HMCN1: variants seen among roughly 807,000 people sequenced by gnomAD.
The protein encoded by HMCN1 is hemicentin-1.
A neutral mutation model predicts 625.9 loss-of-function variants in HMCN1; 321 were observed. That is an observed-to-expected ratio of 0.51 (90% CI 0.47 to 0.56). The LOEUF (loss-of-function observed/expected upper bound fraction) is 0.56, where lower values mean the gene tolerates loss of function less well. Ranked by LOEUF, HMCN1 falls within the 20% of genes least tolerant of loss-of-function variation. HMCN1 has a pLI of 0.00. For missense variants in HMCN1, 6,588 were observed against 6,887.3 expected, an observed-to-expected ratio of 0.96 and a Z score of 1.54; for synonymous variants, 2,425 against 2,417.6, an observed-to-expected ratio of 1.00 and a Z score of -0.09.
intron 19 of HMCN1, 92 bp downstream of exon 19, chr1:185,984,405 A>T: frequency 8.6e-7 from 1 of 1,162,190 alleles, no homozygotes; most frequent in Non-Finnish European, 1.3e-6. Flanking sequence ...CTCTAATTAC[A>T]ATTAGATATC....
chr1:185,879,893 A>G (rs1664189295), intron 4 of HMCN1, among the ~76,000 whole-genome samples: 1 of 152,168 alleles, frequency 6.6e-6, no homozygotes, highest in Non-Finnish European at 1.5e-5. Context: ...TGACAGTAAG[A>G]CTTGCTATGG....
intron 1 of HMCN1, among the ~76,000 whole-genome samples, chr1:185,797,309 G>C (rs1658454327): frequency 6.6e-6 from 1 of 151,874 alleles, no homozygotes; most frequent in South Asian, 2.1e-4. Context: ...TTGTTTTTTG[G>C]TTGGTTGTTT....
intron 4 of HMCN1, among the ~76,000 whole-genome samples, chr1:185,889,655 G>A (rs1261131068): frequency 7.2e-6 from 1 of 138,204 alleles, no homozygotes. Flanking sequence ...TCCCAGGGAT[G>A]AAGCCCACTT....
At chr1:186,108,207 G>T (rs909281644) in intron 70 of HMCN1, among the ~76,000 whole-genome samples, 2 of 151,814 alleles carry the variant, frequency 1.3e-5, no homozygotes, top group Admixed American at 1.3e-4. Context: ...ACTATCAAAT[G>T]GTGAAAATAA....
chr1:186,000,541 G>A (rs1338515978), intron 26 of HMCN1, among the ~76,000 whole-genome samples: 3 of 138,592 alleles, frequency 2.2e-5, no homozygotes, highest in African/African-American at 8.4e-5. Context: ...TCAGCGTGTA[G>A]GGTGTGTGTG....
intron 93 of HMCN1, among the ~76,000 whole-genome samples, chr1:186,149,141 G>GTC (rs763835692): frequency 2.6e-4 from 39 of 152,232 alleles, no homozygotes; most frequent in South Asian, 1.7e-3. Context: ...CACCAACTGC[G>GTC]TAAGTCCTTA....
chr1:186,173,068 C>T (rs1209823887), intron 102 of HMCN1, among the ~76,000 whole-genome samples: 1 of 152,108 alleles, frequency 6.6e-6, no homozygotes, highest in Non-Finnish European at 1.5e-5. Flanking sequence ...ATTCATTGTT[C>T]CTTCTTGACA....
rs764319560 is a variant in HMCN1, at chr1:185,911,784, C to T, written c.900+4C>T. 1.0e-4 allele frequency: 159 copies of T among 1,594,816 alleles called. No homozygotes were observed. The highest frequency in any genetic ancestry group is 1.7e-4 in the Middle Eastern group (1 of 6,030). On this transcript the variant is annotated splice_donor_region_variant and intron_variant, in intron 6 of 106. Coordinates refer to ENST00000271588, the MANE Select transcript of HMCN1 (RefSeq NM_031935.3). Reference sequence around the variant, plus strand: ...GGCTGGAATGTGGACAGTGAAGGTACGGTTGTTTCACAAAGTTTGTTTATT... The same window carrying T: ...GGCTGGAATGTGGACAGTGAAGGTATGGTTGTTTCACAAAGTTTGTTTATT...
At chr1:185,918,733 C>T (rs539482106) in intron 6 of HMCN1, among the ~76,000 whole-genome samples, 88 of 152,234 alleles carry the variant, frequency 5.8e-4, no homozygotes, top group Admixed American at 2.6e-3. Context: ...AGAGGAGTAA[C>T]GTGGCTCATT....
At chr1:185,898,742 G>A (rs2102428252) in intron 4 of HMCN1, among the ~76,000 whole-genome samples, 1 of 152,232 alleles carries the variant, frequency 6.6e-6, no homozygotes, top group Admixed American at 6.5e-5. Flanking sequence ...TCATTTTAGA[G>A]ATTTTGTAGA....
At chr1:185,759,847 T>C (rs1287731070) in intron 1 of HMCN1, among the ~76,000 whole-genome samples, 1 of 152,096 alleles carries the variant, frequency 6.6e-6, no homozygotes, top group East Asian at 1.9e-4. Flanking sequence ...TGTAATGGGA[T>C]TGTGAATATG....
intron 7 of HMCN1, among the ~76,000 whole-genome samples, chr1:185,922,821 G>A (rs1667067565): frequency 6.6e-6 from 1 of 152,074 alleles, no homozygotes; most frequent in Non-Finnish European, 1.5e-5. Flanking sequence ...ACTAAATTCT[G>A]AGAATTACTA....
intron 1 of HMCN1, among the ~76,000 whole-genome samples, chr1:185,786,143 A>G (rs920771164): frequency 3.3e-5 from 5 of 152,208 alleles, no homozygotes; most frequent in African/African-American, 4.8e-5. Flanking sequence ...ATGCATTGTG[A>G]TTTTATAACA....
chr1:185,771,858 T>C (rs560550536), intron 1 of HMCN1, among the ~76,000 whole-genome samples: 1 of 152,332 alleles, frequency 6.6e-6, no homozygotes, highest in African/African-American at 2.4e-5. Context: ...AATAAAGCTA[T>C]AATTTGATAC....
rs1336217313 is a variant in HMCN1 at position 185,846,025 on chromosome 1, G to T, written c.269-1G>T. The T allele has an allele frequency of 6.3e-7, 1 of 1,597,738 alleles. No homozygotes were observed. The highest frequency in any genetic ancestry group is 1.3e-5 in the African/African-American group (1 of 74,546). On this transcript the variant is annotated splice_acceptor_variant, in intron 1 of 106. Transcript: ENST00000271588. LOFTEE classifies it high-confidence loss of function. ...GACCTATGTTATTTTTATCTTCACA[G>T]AAATTGGCCCAGTGACAATTACCAC...
At chr1:186,025,504 A>G (rs1558153792) in intron 36 of HMCN1, among the ~76,000 whole-genome samples, 1 of 152,166 alleles carries the variant, frequency 6.6e-6, no homozygotes, top group African/African-American at 2.4e-5. Context: ...GTTTGGAAAA[A>G]CATTGGCCTA....
At chr1:185,773,259 A>G (rs1199362744) in intron 1 of HMCN1, among the ~76,000 whole-genome samples, 1 of 152,170 alleles carries the variant, frequency 6.6e-6, no homozygotes, top group Non-Finnish European at 1.5e-5. Flanking sequence ...AAATACTGCA[A>G]TGCATAGAAT....
At chr1:185,966,359 A>C (rs985450569) in intron 14 of HMCN1, among the ~76,000 whole-genome samples, 2 of 152,184 alleles carry the variant, frequency 1.3e-5, no homozygotes, top group Non-Finnish European at 2.9e-5. Context: ...CAGATAGTTG[A>C]AAGACAAATT....
intron 1 of HMCN1, among the ~76,000 whole-genome samples, chr1:185,743,334 A>G (rs1654115028): frequency 6.6e-6 from 1 of 152,196 alleles, no homozygotes; most frequent in South Asian, 2.1e-4. Context: ...ATAATTTGCT[A>G]ATTGTGCCTT....
Sources: allele counts gnomAD v4.1 joint callset (sites outside exome capture counted in the v4.1 genomes callset), GRCh38; gene constraint gnomAD v4.1.1; transcripts MANE v1.5; gene names NCBI Gene and HGNC (gene_info 2026-07-23, HGNC 2026-07-21).